SAMMSON: variants seen among roughly 807,000 people sequenced by gnomAD.
SAMMSON encodes long intergenic non-protein coding RNA 1212.
chr3:70,016,046 C>A (rs2066983653), intron 3 of SAMMSON, among the ~76,000 whole-genome samples: 1 of 152,132 alleles, frequency 6.6e-6, no homozygotes, highest in African/African-American at 2.4e-5. Flanking sequence ...GCCTTTATAG[C>A]AGCATGATTT....
chr3:70,231,953 AG>A (rs1422749740), intron 4 of SAMMSON, among the ~76,000 whole-genome samples: 1 of 152,096 alleles, frequency 6.6e-6, no homozygotes, highest in African/African-American at 2.4e-5. Flanking sequence ...TATTCTTGAC[AG>A]TTGTTCAGTG....
intron 4 of SAMMSON, among the ~76,000 whole-genome samples, chr3:70,083,446 C>T (rs1559787584): frequency 6.6e-6 from 1 of 152,162 alleles, no homozygotes; most frequent in Non-Finnish European, 1.5e-5. Flanking sequence ...TCTAGCAACT[C>T]AGGGAAGGGT....
intron 4 of SAMMSON, among the ~76,000 whole-genome samples, chr3:70,197,830 C>T (rs781425527): frequency 2.0e-5 from 3 of 152,094 alleles, no homozygotes; most frequent in Non-Finnish European, 4.4e-5. Context: ...AAGTGAAATA[C>T]GTCATCATAT....
chr3:70,433,330 A>G (rs1419763822), intron 2 of SAMMSON, among the ~76,000 whole-genome samples: 1 of 152,148 alleles, frequency 6.6e-6, no homozygotes, highest in East Asian at 1.9e-4. Context: ...TTTGATGTTA[A>G]CAGTGTTTTG....
At chr3:70,416,795 G>C (rs1186646738) in intron 2 of SAMMSON, among the ~76,000 whole-genome samples, 1 of 151,992 alleles carries the variant, frequency 6.6e-6, no homozygotes, top group African/African-American at 2.4e-5. Context: ...CCATAAAAAA[G>C]AATAAGTATT....
intron 4 of SAMMSON, chr3:70,205,916 C>T (rs1410761447): frequency 6.6e-6 from 1 of 151,856 alleles, no homozygotes; most frequent in Admixed American, 6.6e-5. Flanking sequence ...AGTAAAATTC[C>T]ATATCTTGGT....
intron 4 of SAMMSON, among the ~76,000 whole-genome samples, chr3:70,134,008 C>T (rs1001996613): frequency 6.6e-6 from 1 of 150,914 alleles, no homozygotes; most frequent in Non-Finnish European, 1.5e-5. Flanking sequence ...CTTTGGGAGG[C>T]CAAGGCAGGC....
At chr3:70,237,053 CT>C (rs1267266636) in intron 4 of SAMMSON, among the ~76,000 whole-genome samples, 9 of 137,178 alleles carry the variant, frequency 6.6e-5, no homozygotes, top group African/African-American at 2.2e-4. Flanking sequence ...TCTCACTGCT[CT>C]TTGACAAATT....
At chr3:70,423,049 G>GA (rs1238482899) in intron 2 of SAMMSON, among the ~76,000 whole-genome samples, 2 of 151,752 alleles carry the variant, frequency 1.3e-5, no homozygotes, top group African/African-American at 2.4e-5. Flanking sequence ...ATCATTACAT[G>GA]AAAAAAACAA....
intron 4 of SAMMSON, among the ~76,000 whole-genome samples, chr3:70,223,294 A>G (rs1701476327): frequency 2.0e-5 from 3 of 152,052 alleles, no homozygotes; most frequent in East Asian, 1.9e-4. Context: ...CACAGTCAAG[A>G]CTCAACTCAC....
chr3:70,263,014 A>G (rs891639043), intron 6 of SAMMSON, among the ~76,000 whole-genome samples: 1 of 152,060 alleles, frequency 6.6e-6, no homozygotes, highest in Non-Finnish European at 1.5e-5. Flanking sequence ...TAGGTATTGC[A>G]TTTCTCTAAA....
At chr3:70,257,161 A>G (rs1342925744) in intron 6 of SAMMSON, among the ~76,000 whole-genome samples, 1 of 152,232 alleles carries the variant, frequency 6.6e-6, no homozygotes, top group Non-Finnish European at 1.5e-5. Flanking sequence ...CATGATTATC[A>G]TAGGAAATTT....
chr3:70,268,291 A>G (rs532988074), intron 6 of SAMMSON, among the ~76,000 whole-genome samples: 1 of 152,128 alleles, frequency 6.6e-6, no homozygotes, highest in South Asian at 2.1e-4. Flanking sequence ...GACAGCACGG[A>G]GAAACACCCA....
At chr3:70,329,006 A>T (rs1027876420) in intron 7 of SAMMSON, among the ~76,000 whole-genome samples, 1 of 152,188 alleles carries the variant, frequency 6.6e-6, no homozygotes, top group African/African-American at 2.4e-5. Flanking sequence ...TGCAAACTAG[A>T]AGACAGTTGT....
At chr3:70,050,770 G>A (rs1257077402) in intron 3 of SAMMSON, among the ~76,000 whole-genome samples, 1 of 151,920 alleles carries the variant, frequency 6.6e-6, no homozygotes, top group Non-Finnish European at 1.5e-5. Context: ...GAGAGGCGGA[G>A]GCATAGACTA....
intron 3 of SAMMSON, among the ~76,000 whole-genome samples, chr3:70,056,974 C>T (rs535731952): frequency 6.6e-6 from 1 of 152,036 alleles, no homozygotes; most frequent in African/African-American, 2.4e-5. Context: ...ATAGCTGCAA[C>T]CAGAGAAAAC....
intron 4 of SAMMSON, among the ~76,000 whole-genome samples, chr3:70,156,433 C>G (rs1344502113): frequency 6.6e-6 from 1 of 151,930 alleles, no homozygotes; most frequent in Non-Finnish European, 1.5e-5. Context: ...CAGGCAAGGT[C>G]AGGAAACTGC....
chr3:70,337,394 A>T (rs1018537149), intron 7 of SAMMSON, among the ~76,000 whole-genome samples: 2 of 151,652 alleles, frequency 1.3e-5, no homozygotes, highest in South Asian at 4.1e-4. Flanking sequence ...AAGTTGGAAT[A>T]TAGCTACCCT....
intron 9 of SAMMSON, among the ~76,000 whole-genome samples, chr3:70,361,189 C>T (rs188091535): frequency 6.6e-6 from 1 of 152,052 alleles, no homozygotes; most frequent in Admixed American, 6.6e-5. Context: ...TCTTTGAAAA[C>T]CCCTGTAGTC....
Sources: allele counts gnomAD v4.1 joint callset (sites outside exome capture counted in the v4.1 genomes callset), GRCh38; gene constraint gnomAD v4.1.1; transcripts MANE v1.5; gene names NCBI Gene and HGNC (gene_info 2026-07-23, HGNC 2026-07-21).